LMO3: variants seen among roughly 807,000 people sequenced by gnomAD.
LMO3 encodes LIM domain only protein 3.
A neutral mutation model predicts 15.8 loss-of-function variants in LMO3; 2 were observed. The ratio of observed to expected loss-of-function variants is 0.13; its 90% CI spans 0.05 to 0.40. The LOEUF is 0.40. Ranked by LOEUF, LMO3 falls within the 10% of genes least tolerant of loss-of-function variation. The pLI, the probability that LMO3 is intolerant of heterozygous loss-of-function variation, is 0.99. For missense variants in LMO3, 86 were observed against 182.2 expected (o/e 0.47, Z 3.04); for synonymous variants, 62 against 63.8 (o/e 0.97, Z 0.13).
At chr12:16,558,694 TTACATTATAAGG>T (rs1403184512) in intron 3 of LMO3, among the ~76,000 whole-genome samples, 1 of 152,128 alleles carries the variant, frequency 6.6e-6, no homozygotes, top group Non-Finnish European at 1.5e-5. Flanking sequence ...TGGGTAACTA[TTACATTATAAGG>T]TACATTAGGC....
At chr12:16,569,025 A>T (rs1942718277) in intron 2 of LMO3, among the ~76,000 whole-genome samples, 1 of 152,208 alleles carries the variant, frequency 6.6e-6, no homozygotes, top group Non-Finnish European at 1.5e-5. Flanking sequence ...GAAATAGATG[A>T]CAATGCCCCA....
chr12:16,567,921 T>A (rs1419441822), intron 2 of LMO3, among the ~76,000 whole-genome samples: 1 of 152,086 alleles, frequency 6.6e-6, no homozygotes, highest in African/African-American at 2.4e-5. Flanking sequence ...ACTTACTGAG[T>A]AGCGATCATG....
At chr12:16,605,280 G>A in intron 1 of LMO3, 1 of 1,195,530 alleles carries the variant, frequency 8.4e-7, no homozygotes, top group Non-Finnish European at 1.0e-6. Flanking sequence ...TGTTCAATAT[G>A]AAAAAGATCA....
Position 16,578,062 on chromosome 12 carries a change from T to G in LMO3, c.207-17524A>C, listed in dbSNP as rs1020641677. Among the ~76,000 whole-genome samples the G allele has an allele frequency of 1.3e-5, 2 of 152,302 alleles. 1 individual carries two copies. The highest frequency in any genetic ancestry group is 4.8e-5 in the African/African-American group (2 of 41,568). On this transcript the variant is annotated intron_variant, in intron 2 of 3. Transcript: ENST00000537304. ...TCCAGTCCTCAGTAGGCAACAACTT[T>G]CATAAGAAATATATTCTGTCCTCAT...
chr12:16,551,106 G>A lies in LMO3; in HGVS notation c.*116C>T, dbSNP rs1472231709. 1.2e-5 allele frequency: 8 copies of A among 675,832 alleles called. No homozygotes were observed. The highest frequency in any genetic ancestry group is 1.8e-5 in the Non-Finnish European group (7 of 379,714). The allele number at this position is 675,832 out of a possible 1,614,324, so 41.9% of individuals were successfully genotyped here. A position where few individuals can be genotyped will look rare whatever the true frequency, so the allele number is the denominator to read the frequency against. On this transcript the variant is annotated 3_prime_UTR_variant, in exon 4 of 4. Transcript: ENST00000537304. ...GCCTTTTATTCCATATAACCATCCT[G>A]CCTTCCTATATCTACGCTATTCAGT...
Position 16,584,598 on chromosome 12 carries a change from A to G in LMO3, c.206+16057T>C, listed in dbSNP as rs1407806554. On this transcript the variant is annotated intron_variant, in intron 2 of 3. Transcript: ENST00000537304. This position sits in a 1 kb window ranked among gnomAD's most constrained non-coding sequence, Gnocchi z 5.2. ...CAAGTGGAGGAGTGGGGGGGGTAAG[A>G]GGCCTGTTTAGAGGTGGATGGCCTC... Among the ~76,000 whole-genome samples, 1 of 151,924 alleles carries G rather than the reference A, an allele frequency of 6.6e-6. No homozygotes were observed. The highest frequency in any genetic ancestry group is 1.5e-5 in the Non-Finnish European group (1 of 67,998).
At position 16,600,857 on chromosome 12, in the gene LMO3, G is replaced by A; in HGVS notation, c.4C>T (p.Leu2Phe). The A allele has an allele frequency of 6.2e-7, 1 of 1,613,810 alleles. No individual in the cohort carries two copies. The highest frequency in any genetic ancestry group is 8.5e-7 in the Non-Finnish European group (1 of 1,179,812). The change falls in exon 2 of 4, where the codon CTC (leucine) becomes TTC (phenylalanine). Residue 2 changes from leucine (L) to phenylalanine (F), a missense_variant. Transcript: ENST00000537304. Reference sequence around the variant, plus strand: ...GGCTTGGTGTCTGGCTGGACTGAGAGCATTTGTATACCTAAAGGAAGACAA... The same window carrying A: ...GGCTTGGTGTCTGGCTGGACTGAGAACATTTGTATACCTAAAGGAAGACAA... M[L>F]SVQPDTKPKG...
chr12:16,605,922 G>A (rs1247984046), intron 1 of LMO3, 144 bp downstream of exon 1: 1 of 1,221,104 alleles, frequency 8.2e-7, no homozygotes. Flanking sequence ...TTGCAGTGCG[G>A]AGCTGGGTTG....
At chr12:16,605,435 TG>T (rs1943957812) in intron 1 of LMO3, 4 of 382,430 alleles carry the variant, frequency 1.0e-5, no homozygotes, top group Non-Finnish European at 1.2e-5. Context: ...CCTACCCGCC[TG>T]CCCCCCCCCC....
rs1319869351 is a variant in LMO3 at position 16,591,309 on chromosome 12, T to A, written c.206+9346A>T. ...CCCAGAATGTCCTTCCCATACGTGA[T>A]CATGGCTAGCTCCTTCACTTTCATC... is the stretch of plus-strand genomic sequence containing the variant. On this transcript the variant is annotated intron_variant, in intron 2 of 3. Coordinates refer to ENST00000537304, the MANE Select transcript of LMO3 (RefSeq NM_018640.5). This position sits in a 1 kb window ranked among gnomAD's most constrained non-coding sequence, Gnocchi z 4.1. Among the ~76,000 whole-genome samples, 1 of 151,984 alleles carries A rather than the reference T, an allele frequency of 6.6e-6. No homozygotes were observed. The highest frequency in any genetic ancestry group is 1.5e-5 in the Non-Finnish European group (1 of 67,956).
In LMO3 at chr12:16,550,065, T is replaced by G. The variant is rs1941930567; in HGVS notation, c.*1157A>C. 6.6e-6 allele frequency: 1 copy of G among 152,024 alleles called. No homozygotes were observed. The highest frequency in any genetic ancestry group is 1.5e-5 in the Non-Finnish European group (1 of 67,922). 9.4% of individuals were successfully genotyped at this position (152,024 alleles called of 1,614,324 possible). On this transcript the variant is annotated 3_prime_UTR_variant, in exon 4 of 4. Coordinates refer to ENST00000537304, the MANE Select transcript of LMO3 (RefSeq NM_018640.5). ...TATATAATCACTAGTTCTCAGCATT[T>G]TATCAATCCCTTTGTTTCTCTTCTT...
intron 3 of LMO3, among the ~76,000 whole-genome samples, chr12:16,556,217 T>G (rs1437408554): frequency 6.6e-6 from 1 of 152,230 alleles, no homozygotes; most frequent in Non-Finnish European, 1.5e-5. Flanking sequence ...TTTATTGTGT[T>G]TTCTAAGGAG....
intron 2 of LMO3, among the ~76,000 whole-genome samples, chr12:16,575,778 ATG>A (rs908992692): frequency 1.3e-5 from 2 of 151,400 alleles, no homozygotes; most frequent in African/African-American, 4.9e-5. Flanking sequence ...ATCACTTTTC[ATG>A]TCCTGACCTG....
At chr12:16,571,609 A>G (rs1408209808) in intron 2 of LMO3, among the ~76,000 whole-genome samples, 1 of 152,078 alleles carries the variant, frequency 6.6e-6, no homozygotes, top group Non-Finnish European at 1.5e-5. Flanking sequence ...GGTTGGGTAG[A>G]AAATTATATG....
rs75908587 is a variant in LMO3 at position 16,561,320 on chromosome 12, A to G, written c.207-782T>C. ...ATCCATTTGCACTGGCAATATTTAAACCAAGTTTCTTTAAAGTTGATAATG... is the reference window on the plus strand; with the variant it reads ...ATCCATTTGCACTGGCAATATTTAAGCCAAGTTTCTTTAAAGTTGATAATG... On this transcript the variant is annotated intron_variant, in intron 2 of 3. Transcript: ENST00000537304. Among the ~76,000 whole-genome samples, 11 of 152,320 alleles carry G rather than the reference A, an allele frequency of 7.2e-5. No homozygotes were observed. The East Asian group carries it at 1.7e-3, about 24-fold the overall frequency.
chr12:16,605,026 T>C (rs1246489096), intron 1 of LMO3: 3 of 1,557,664 alleles, frequency 1.9e-6, no homozygotes, highest in Non-Finnish European at 1.7e-6. Flanking sequence ...GGACCGACTA[T>C]TGTGAAGCCA....
chr12:16,594,020 G>T, intron 2 of LMO3: 1 of 832,770 alleles, frequency 1.2e-6, no homozygotes, highest in Non-Finnish European at 1.8e-6. Context: ...TTTTATAAAA[G>T]TTGTCCTACA....
At position 16,598,727 on chromosome 12, in the gene LMO3, A is replaced by G; in HGVS notation, c.206+1928T>C. 6.5e-6 allele frequency: 1 copy of G among 154,328 alleles called. No homozygotes were observed. The highest frequency in any genetic ancestry group is 1.4e-5 in the Non-Finnish European group (1 of 69,014). 9.6% of individuals were successfully genotyped at this position (154,328 alleles called of 1,614,324 possible). On this transcript the variant is annotated intron_variant, in intron 2 of 3. Transcript: ENST00000537304. The surrounding 1 kb of genome is among the most constrained non-coding windows in gnomAD (Gnocchi z 4.3). Reference sequence around the variant, plus strand: ...CTACCACAAGGAAAAAGAAAACAAAACAAATCTAAGATTACTGTCTTTGCT... The same window carrying G: ...CTACCACAAGGAAAAAGAAAACAAAGCAAATCTAAGATTACTGTCTTTGCT...
At chr12:16,583,141 G>A (rs1232296683) in intron 2 of LMO3, among the ~76,000 whole-genome samples, 6 of 151,560 alleles carry the variant, frequency 4.0e-5, no homozygotes, top group Non-Finnish European at 8.8e-5. Context: ...ACTATTAAAA[G>A]AGAAGAGAGA....
Sources: allele counts gnomAD v4.1 joint callset (sites outside exome capture counted in the v4.1 genomes callset), GRCh38; gene constraint gnomAD v4.1.1; non-coding constraint Gnocchi (gnomAD v3.1); transcripts MANE v1.5; gene names NCBI Gene and HGNC (gene_info 2026-07-23, HGNC 2026-07-21).